Variants in PHF14 observed in about 807,000 individuals in gnomAD.
PHF14 encodes the protein PHD finger protein 14.
Under a neutral mutation model 117.9 loss-of-function variants are expected in PHF14, and 55 were observed. The observed-to-expected ratio is 0.47, with a 90% CI of 0.38 to 0.58. The LOEUF (loss-of-function observed/expected upper bound fraction) is 0.58. Ranked by LOEUF, PHF14 falls within the 20% of genes least tolerant of loss-of-function variation. The pLI is 0.00. For missense variants in PHF14, 978 were observed against 1,122.2 expected (o/e 0.87, Z 1.84); for synonymous variants, 409 against 368.6 (o/e 1.11, Z -1.26).
intron 2 of PHF14, among the ~76,000 whole-genome samples, chr7:10,979,243 A>C (rs1781974389): frequency 6.6e-6 from 1 of 152,082 alleles, no homozygotes; most frequent in African/African-American, 2.4e-5. Flanking sequence ...GGTGTTTTAA[A>C]TTCTAATTTT....
At chr7:11,091,284 G>T (rs937363750) in intron 16 of PHF14, among the ~76,000 whole-genome samples, 1 of 152,302 alleles carries the variant, frequency 6.6e-6, no homozygotes, top group East Asian at 1.9e-4. Context: ...AGCGTTTAAA[G>T]CAAACTGGAT....
At chr7:11,038,917 C>T (rs1784408714) in intron 11 of PHF14, 62 bp downstream of exon 11, 2 of 716,258 alleles carry the variant, frequency 2.8e-6, no homozygotes, top group Non-Finnish European at 4.6e-6. Flanking sequence ...TTTCAAAGAA[C>T]AGATTTTTGA....
At chr7:11,064,236 T>G (rs2128330491) in intron 16 of PHF14, among the ~76,000 whole-genome samples, 1 of 152,084 alleles carries the variant, frequency 6.6e-6, no homozygotes, top group Non-Finnish European at 1.5e-5. Context: ...AGTAATCTCA[T>G]AAGCTAATAT....
At chr7:11,116,079 T>C (rs1249012443) in intron 17 of PHF14, among the ~76,000 whole-genome samples, 1 of 152,050 alleles carries the variant, frequency 6.6e-6, no homozygotes, top group African/African-American at 2.4e-5. Flanking sequence ...CAAACCTTCA[T>C]TTTCTGTTTT....
intron 7 of PHF14, among the ~76,000 whole-genome samples, chr7:11,034,644 A>G (rs929842949): frequency 7.6e-6 from 1 of 132,058 alleles, no homozygotes; most frequent in Non-Finnish European, 1.5e-5. Context: ...TCCCTCCTGT[A>G]TTCAAGCAAT....
At chr7:10,998,591 G>C (rs543114612) in intron 4 of PHF14, among the ~76,000 whole-genome samples, 41 of 152,262 alleles carry the variant, frequency 2.7e-4, no homozygotes, top group Middle Eastern at 3.4e-3. Flanking sequence ...AAACATGGTT[G>C]AATATATGTG....
chr7:11,131,698 T>G (rs1344596215), intron 17 of PHF14, among the ~76,000 whole-genome samples: 1 of 151,882 alleles, frequency 6.6e-6, no homozygotes, highest in African/African-American at 2.4e-5. Context: ...ATCATCAAAT[T>G]TGTGGTCACC....
chr7:11,019,835 G>GT (rs1783671516), intron 5 of PHF14, among the ~76,000 whole-genome samples: 2 of 151,946 alleles, frequency 1.3e-5, no homozygotes, highest in Admixed American at 1.3e-4. Context: ...TTTATTTGAA[G>GT]TTTTTTCTCT....
intron 17 of PHF14, among the ~76,000 whole-genome samples, chr7:11,144,063 C>A (rs774519582): frequency 6.6e-6 from 1 of 152,004 alleles, no homozygotes; most frequent in Non-Finnish European, 1.5e-5. Context: ...TAAAAAGGAT[C>A]TGAGTAGAAA....
At chr7:11,004,034 G>GC (rs2128313654) in intron 4 of PHF14, among the ~76,000 whole-genome samples, 1 of 152,054 alleles carries the variant, frequency 6.6e-6, no homozygotes, top group East Asian at 1.9e-4. Flanking sequence ...GATCGCTTGA[G>GC]CTCAGGAGTT....
chr7:11,078,901 A>G (rs1785971573), intron 16 of PHF14, among the ~76,000 whole-genome samples: 1 of 152,144 alleles, frequency 6.6e-6, no homozygotes, highest in Non-Finnish European at 1.5e-5. Context: ...AATGGACTAA[A>G]ATATGTAGAT....
chr7:11,003,791 C>CTGTCTG lies in PHF14; in HGVS notation c.1046-9954_1046-9949dup, dbSNP rs567464165. Among the ~76,000 whole-genome samples, 4 of 152,266 alleles carry CTGTCTG rather than the reference C, an allele frequency of 2.6e-5. No individual in the cohort carries two copies. In the South Asian group the frequency reaches 8.3e-4, roughly 32 times the overall value. On this transcript the variant is annotated intron_variant, in intron 4 of 17. Coordinates refer to ENST00000634607, the MANE Select transcript of PHF14 (RefSeq NM_001007157.2). ...GAGTAGATATGTAAAAATAGTTATGCTGTCTGTCTCAACTCTACTTCTCTT... is the reference window on the plus strand; with the variant it reads ...GAGTAGATATGTAAAAATAGTTATGCTGTCTGTGTCTGTCTCAACTCTACTTCTCTT...
chr7:11,105,597 G>T (rs1456088129), intron 16 of PHF14: 4 of 984,328 alleles, frequency 4.1e-6, no homozygotes, highest in Non-Finnish European at 4.8e-6. Flanking sequence ...CCTGACATAC[G>T]AAGGCAGAAT....
intron 17 of PHF14, among the ~76,000 whole-genome samples, chr7:11,142,858 C>G (rs928877893): frequency 6.6e-6 from 1 of 152,122 alleles, no homozygotes; most frequent in South Asian, 2.1e-4. Flanking sequence ...ATTGATAAAA[C>G]TCCGTTAATG....
chr7:11,132,583 G>A (rs979562156), intron 17 of PHF14, among the ~76,000 whole-genome samples: 2 of 151,812 alleles, frequency 1.3e-5, no homozygotes, highest in African/African-American at 4.8e-5. Flanking sequence ...ATGAGGTGGT[G>A]ATTTCATTTC....
intron 17 of PHF14, among the ~76,000 whole-genome samples, chr7:11,160,530 C>G (rs1427210355): frequency 6.6e-6 from 1 of 152,158 alleles, no homozygotes; most frequent in Admixed American, 6.5e-5. Context: ...TATAAGCATT[C>G]CTTTTTCTCT....
At chr7:11,118,153 A>G (rs760956941) in intron 17 of PHF14, among the ~76,000 whole-genome samples, 2 of 151,910 alleles carry the variant, frequency 1.3e-5, no homozygotes, top group African/African-American at 2.4e-5. Flanking sequence ...AGTTGTTTCT[A>G]TTGTGTCCTA....
intron 17 of PHF14, among the ~76,000 whole-genome samples, chr7:11,119,790 T>C (rs765931928): frequency 6.6e-6 from 1 of 151,930 alleles, no homozygotes; most frequent in East Asian, 1.9e-4. Flanking sequence ...AAGAAAACTT[T>C]CAAATCTAAG....
intron 17 of PHF14, among the ~76,000 whole-genome samples, chr7:11,125,717 T>C (rs985771633): frequency 2.0e-5 from 3 of 152,100 alleles, no homozygotes; most frequent in Non-Finnish European, 4.4e-5. Context: ...TTATGTTTAA[T>C]ATATTGTTCT....
Sources: allele counts gnomAD v4.1 joint callset (sites outside exome capture counted in the v4.1 genomes callset), GRCh38; gene constraint gnomAD v4.1.1; transcripts MANE v1.5; gene names NCBI Gene and HGNC (gene_info 2026-07-23, HGNC 2026-07-21).